Variants in FAR2 observed in about 807,000 individuals in gnomAD.
FAR2 encodes epididymis secretory protein Li 81.
In FAR2, 19 loss-of-function variants were observed where a neutral mutation model predicts 56.0. The ratio of observed to expected loss-of-function variants is 0.34; its 90% CI spans 0.24 to 0.50. The LOEUF is 0.50. Ranked by LOEUF, FAR2 falls within the 20% of genes least tolerant of loss-of-function variation. FAR2 has a pLI of 0.98. For synonymous variants in FAR2, 219 were observed against 218.8 expected, an observed-to-expected ratio of 1.00 and a Z score of -0.01; for missense variants, 508 against 642.2, an observed-to-expected ratio of 0.79 and a Z score of 2.26.
intron 1 of FAR2, among the ~76,000 whole-genome samples, chr12:29,245,075 G>A (rs1385058467): frequency 6.6e-6 from 1 of 151,972 alleles, no homozygotes; most frequent in African/African-American, 2.4e-5. Context: ...CCGTCTCCCG[G>A]GTTCAAGCGA....
intron 1 of FAR2, among the ~76,000 whole-genome samples, chr12:29,248,790 C>T (rs1316501528): frequency 6.6e-6 from 1 of 152,060 alleles, no homozygotes; most frequent in Admixed American, 6.6e-5. Context: ...GTTTAGAGAC[C>T]CACCCCCAGG....
chr12:29,277,669 G>C (rs1475512621), intron 2 of FAR2: 1 of 152,238 alleles, frequency 6.6e-6, no homozygotes, highest in Non-Finnish European at 1.5e-5. Context: ...GGACTCCAGA[G>C]ATAGTGCCAC....
At chr12:29,316,810 T>C in intron 8 of FAR2, 31 bp from the exon 9 acceptor site, 1 of 1,608,448 alleles carries the variant, frequency 6.2e-7, no homozygotes, top group Non-Finnish European at 8.5e-7. Context: ...TCTCCTTTTC[T>C]CCTCTAGCAC....
intron 1 of FAR2, among the ~76,000 whole-genome samples, chr12:29,221,478 G>GC (rs761996669): frequency 2.5e-4 from 38 of 152,218 alleles, no homozygotes; most frequent in South Asian, 1.5e-3. Context: ...CTAAAGGATT[G>GC]TTTTCAATTG....
At chr12:29,264,173 C>T (rs551140097) in intron 1 of FAR2, among the ~76,000 whole-genome samples, 1 of 152,172 alleles carries the variant, frequency 6.6e-6, no homozygotes, top group African/African-American at 2.4e-5. Context: ...TCAACATGTG[C>T]AAATCAGTCA....
chr12:29,296,446 A>C (rs1949072804), intron 3 of FAR2, among the ~76,000 whole-genome samples: 1 of 152,278 alleles, frequency 6.6e-6, no homozygotes, highest in South Asian at 2.1e-4. Context: ...GTTAAATTAA[A>C]TTAGTAAGTT....
intron 1 of FAR2, among the ~76,000 whole-genome samples, chr12:29,268,259 G>A (rs1948552230): frequency 6.6e-6 from 1 of 152,130 alleles, no homozygotes; most frequent in African/African-American, 2.4e-5. Context: ...TCCAAACCCT[G>A]TCCACATAGG....
At chr12:29,202,297 CT>C (rs1361482404) in intron 1 of FAR2, among the ~76,000 whole-genome samples, 1 of 152,060 alleles carries the variant, frequency 6.6e-6, no homozygotes. Context: ...GTTATATTTT[CT>C]TTTTTGCAAG....
At chr12:29,243,259 G>A (rs1948067895) in intron 1 of FAR2, among the ~76,000 whole-genome samples, 2 of 152,114 alleles carry the variant, frequency 1.3e-5, no homozygotes, top group Admixed American at 1.3e-4. Flanking sequence ...TCAGTTTGGG[G>A]CCAGTTGTTA....
intron 4 of FAR2, among the ~76,000 whole-genome samples, chr12:29,298,318 T>C (rs113669253): frequency 0.042 from 6,338 of 151,342 alleles, 441 homozygotes; most frequent in African/African-American, 0.14. Flanking sequence ...TAAAAAACTA[T>C]ATAAAAAGTA....
chr12:29,176,795 G>T (rs887547148), intron 1 of FAR2, among the ~76,000 whole-genome samples: 1 of 151,526 alleles, frequency 6.6e-6, no homozygotes, highest in Non-Finnish European at 1.5e-5. Context: ...GCTACTCTGT[G>T]TTCATATGGG....
chr12:29,227,639 T>C (rs1481963494), intron 1 of FAR2, among the ~76,000 whole-genome samples: 3 of 152,134 alleles, frequency 2.0e-5, no homozygotes, highest in Non-Finnish European at 1.5e-5. Flanking sequence ...TCCAGGCAGT[T>C]TTACCTAGAC....
chr12:29,186,689 A>G (rs529710823), intron 1 of FAR2, among the ~76,000 whole-genome samples: 4 of 152,230 alleles, frequency 2.6e-5, no homozygotes, highest in African/African-American at 9.6e-5. Context: ...TTATTTATGT[A>G]GGATAGTACC....
Position 29,273,834 on chromosome 12 carries a change from A to G in FAR2, c.189+3196A>G, listed in dbSNP as rs150366457. Among the ~76,000 whole-genome samples the G allele has an allele frequency of 4.9e-3, 741 of 152,274 alleles. 2 individuals carry two copies. Among genetic ancestry groups the G allele is most frequent in the Non-Finnish European group, 7.2e-3 (492 of 68,020 alleles). On this transcript the variant is annotated intron_variant, in intron 2 of 11. Coordinates refer to ENST00000536681, the MANE Select transcript of FAR2 (RefSeq NM_001271783.2). ...GGTTGCACTGTTCCATGGAAAAAGC[A>G]GTTCCCCGGGCCGGGTAGCATGCTC...
At chr12:29,281,354 C>A (rs1390716089) in intron 2 of FAR2, 1 of 152,168 alleles carries the variant, frequency 6.6e-6, no homozygotes, top group Non-Finnish European at 1.5e-5. Context: ...GCTTCCTACA[C>A]TGGGAGTGGG....
At chr12:29,319,109 G>A (rs1949510598) in intron 9 of FAR2, among the ~76,000 whole-genome samples, 1 of 151,716 alleles carries the variant, frequency 6.6e-6, no homozygotes, top group African/African-American at 2.4e-5. Context: ...TCCTGCCTCA[G>A]CCTCTCGAGT....
intron 1 of FAR2, among the ~76,000 whole-genome samples, chr12:29,160,736 G>T (rs976991370): frequency 2.6e-5 from 4 of 152,010 alleles, no homozygotes; most frequent in African/African-American, 9.7e-5. Context: ...CTAATAGATG[G>T]CTGTCTTCTC....
chr12:29,226,185 G>A, intron 1 of FAR2, among the ~76,000 whole-genome samples: 1 of 152,194 alleles, frequency 6.6e-6, no homozygotes, highest in Non-Finnish European at 1.5e-5. Context: ...TATCTATTTT[G>A]TTGGATGATA....
chr12:29,287,528 TA>T (rs922760679), intron 2 of FAR2, among the ~76,000 whole-genome samples: 3 of 151,994 alleles, frequency 2.0e-5, no homozygotes, highest in Admixed American at 1.3e-4. Flanking sequence ...AAAAATTCTC[TA>T]AAAAAAATTA....
Sources: allele counts gnomAD v4.1 joint callset (sites outside exome capture counted in the v4.1 genomes callset), GRCh38; gene constraint gnomAD v4.1.1; transcripts MANE v1.5; gene names NCBI Gene and HGNC (gene_info 2026-07-23, HGNC 2026-07-21).